Variants in PKNOX2 observed in about 807,000 individuals in gnomAD.
PKNOX2 encodes PBX/knotted 1 homeobox 2, also known as homeobox protein PKNOX2.
PKNOX2 carries 14 observed loss-of-function variants against 53.1 expected under a neutral mutation model. The observed-to-expected ratio is 0.26, with a 90% CI of 0.17 to 0.41. PKNOX2 has a LOEUF of 0.41. Ranked by LOEUF, PKNOX2 falls within the 10% of genes least tolerant of loss-of-function variation. PKNOX2 has a pLI of 1.00. For synonymous variants in PKNOX2, 257 were observed against 242.8 expected (o/e 1.06, Z -0.54); for missense variants, 496 against 602.8 (o/e 0.82, Z 1.85).
chr11:125,214,193 T>G (rs1168285360), intron 1 of PKNOX2, among the ~76,000 whole-genome samples: 6 of 152,096 alleles, frequency 3.9e-5, no homozygotes, highest in African/African-American at 1.4e-4. Context: ...ACCCACCTCT[T>G]GGAGGGTGGC....
intron 12 of PKNOX2, 115 bp from the exon 13 acceptor site, chr11:125,431,051 T>A (rs572990729): frequency 6.8e-7 from 1 of 1,465,432 alleles, no homozygotes; most frequent in African/African-American, 1.4e-5. Flanking sequence ...TGGACAGCTC[T>A]AAAAACAAGG....
At position 125,313,698 on chromosome 11, in the gene PKNOX2, T is replaced by A. The variant is rs147192892; in HGVS notation, c.-129-18121T>A. The stretch of plus-strand genomic sequence containing the variant: ...TCGCAGGGCCTCCTCAAATATATAC[T>A]GTCTAACGTGGCAGCTGGTAGCCAC... On this transcript the variant is annotated intron_variant, in intron 2 of 12. Coordinates refer to ENST00000298282, the MANE Select transcript of PKNOX2 (RefSeq NM_001382323.2). 1.9e-3 allele frequency among the ~76,000 whole-genome samples: 282 copies of A among 152,318 alleles called. 2 individuals carry two copies. The highest frequency in any genetic ancestry group is 6.6e-3 in the African/African-American group (273 of 41,560).
At chr11:125,322,088 T>C (rs1255183606) in intron 2 of PKNOX2, among the ~76,000 whole-genome samples, 2 of 152,088 alleles carry the variant, frequency 1.3e-5, no homozygotes, top group Admixed American at 1.3e-4. Flanking sequence ...ATTCAGACCA[T>C]AGGGTGTGGT....
At chr11:125,388,432 G>T (rs901766832) in intron 6 of PKNOX2, among the ~76,000 whole-genome samples, 3 of 152,114 alleles carry the variant, frequency 2.0e-5, no homozygotes, top group Non-Finnish European at 2.9e-5. Context: ...TAAAATGAGA[G>T]ACCCCAAGCA....
Position 125,221,420 on chromosome 11 carries a change from T to C in PKNOX2, c.-200-13625T>C, listed in dbSNP as rs139899507. Among the ~76,000 whole-genome samples, 1,419 of 152,198 alleles carry C rather than the reference T, an allele frequency of 9.3e-3. 29 individuals are homozygous for C. The highest frequency in any genetic ancestry group is 0.032 in the African/African-American group (1,347 of 41,526). ...TTTGGGGCACATTTACCCCCTTTGGTGAGAACAGCAGTCTGCTAAGCAGCC... is the reference window on the plus strand; with the variant it reads ...TTTGGGGCACATTTACCCCCTTTGGCGAGAACAGCAGTCTGCTAAGCAGCC... On this transcript the variant is annotated intron_variant, in intron 1 of 12. Transcript: ENST00000298282.
chr11:125,207,271 T>C (rs1939247121), intron 1 of PKNOX2, among the ~76,000 whole-genome samples: 1 of 152,106 alleles, frequency 6.6e-6, no homozygotes, highest in Admixed American at 6.5e-5. Context: ...TTTTTCTTTT[T>C]CTGTCTTCTT....
chr11:125,264,141 A>C (rs1009523873), intron 2 of PKNOX2, among the ~76,000 whole-genome samples: 2 of 152,162 alleles, frequency 1.3e-5, no homozygotes, highest in Non-Finnish European at 2.9e-5. Flanking sequence ...GAATCCTTAG[A>C]GGTGAAGATC....
chr11:125,206,560 G>A (rs1025084947), intron 1 of PKNOX2, among the ~76,000 whole-genome samples: 13 of 152,098 alleles, frequency 8.5e-5, no homozygotes, highest in African/African-American at 2.9e-4. Context: ...GTCCCCTGAA[G>A]AGGCAGCATG....
chr11:125,411,183 CG>C lies in PKNOX2; in HGVS notation c.816+309del, dbSNP rs1955489154. On this transcript the variant is annotated intron_variant, in intron 9 of 12. Transcript: ENST00000298282. Reference sequence around the variant, plus strand: ...ACACACAAAGGAAGAGTAGAAAGATCGGAAGTCAGAGTCTGGGATCTGACAT... The same window carrying C: ...ACACACAAAGGAAGAGTAGAAAGATCGAAGTCAGAGTCTGGGATCTGACAT... 1.3e-5 allele frequency: 4 copies of C among 319,820 alleles called. No individual in the cohort carries two copies. The South Asian group carries it at 1.6e-4, about 12-fold the overall frequency. 19.8% of individuals were successfully genotyped at this position (319,820 alleles called of 1,614,324 possible). A position where few individuals can be genotyped will look rare whatever the true frequency, so the allele number is the denominator to read the frequency against.
intron 1 of PKNOX2, among the ~76,000 whole-genome samples, chr11:125,171,121 A>C (rs776117876): frequency 3.3e-5 from 5 of 152,186 alleles, no homozygotes; most frequent in African/African-American, 4.8e-5. Flanking sequence ...TCACATCGCC[A>C]TCCCAAATCT....
chr11:125,221,510 C>T (rs750608048), intron 1 of PKNOX2, among the ~76,000 whole-genome samples: 2 of 152,144 alleles, frequency 1.3e-5, no homozygotes, highest in African/African-American at 2.4e-5. Flanking sequence ...GAGAGCTAAC[C>T]GCAGCCACGC....
chr11:125,206,878 T>C (rs925723082), intron 1 of PKNOX2, among the ~76,000 whole-genome samples: 1 of 151,914 alleles, frequency 6.6e-6, no homozygotes, highest in African/African-American at 2.4e-5. Flanking sequence ...GAAGGCTGGA[T>C]GAACGTGGGC....
intron 1 of PKNOX2, among the ~76,000 whole-genome samples, chr11:125,177,220 T>C (rs1472879409): frequency 6.6e-6 from 1 of 152,142 alleles, no homozygotes; most frequent in African/African-American, 2.4e-5. Context: ...TGACCAGGGC[T>C]GTATCTTCCC....
At chr11:125,385,876 A>G (rs192654850) in intron 6 of PKNOX2, among the ~76,000 whole-genome samples, 154 bp downstream of exon 6, 1 of 152,342 alleles carries the variant, frequency 6.6e-6, no homozygotes, top group African/African-American at 2.4e-5. Context: ...CTTGCAGCCA[A>G]CAACCATTTC....
intron 3 of PKNOX2, among the ~76,000 whole-genome samples, chr11:125,347,143 C>A (rs1457001000): frequency 6.6e-6 from 1 of 152,118 alleles, no homozygotes; most frequent in Non-Finnish European, 1.5e-5. Flanking sequence ...TGTCCTTGTG[C>A]CAGCCATGGG....
intron 10 of PKNOX2, among the ~76,000 whole-genome samples, chr11:125,426,970 C>T (rs1015358859): frequency 2.6e-5 from 4 of 152,230 alleles, no homozygotes; most frequent in South Asian, 2.1e-4. Context: ...CAGGAGGAAG[C>T]GCGCTCCAGA....
At chr11:125,401,940 C>G (rs1954782909) in intron 7 of PKNOX2, among the ~76,000 whole-genome samples, 2 of 152,306 alleles carry the variant, frequency 1.3e-5, no homozygotes, top group South Asian at 4.1e-4. Context: ...CGCCTGCCAG[C>G]TTTGTTGCAA....
chr11:125,290,722 G>T (rs926256123), intron 2 of PKNOX2, among the ~76,000 whole-genome samples: 1 of 152,210 alleles, frequency 6.6e-6, no homozygotes, highest in African/African-American at 2.4e-5. Context: ...GAGATAAAAT[G>T]CTCATTCTCT....
At chr11:125,418,288 C>T (rs916441233) in intron 10 of PKNOX2, among the ~76,000 whole-genome samples, 5 of 152,036 alleles carry the variant, frequency 3.3e-5, no homozygotes, top group African/African-American at 4.8e-5. Context: ...CTTCATTCCA[C>T]GTTGTGGTTG....
Sources: allele counts gnomAD v4.1 joint callset (sites outside exome capture counted in the v4.1 genomes callset), GRCh38; gene constraint gnomAD v4.1.1; transcripts MANE v1.5; gene names NCBI Gene and HGNC (gene_info 2026-07-23, HGNC 2026-07-21).